DIP2C: variants seen among roughly 807,000 people sequenced by gnomAD.
DIP2C encodes the protein DIP2 acetate--CoA ligase C (putative).
Under a neutral mutation model 192.4 loss-of-function variants are expected in DIP2C, and 33 were observed. The observed-to-expected ratio is 0.17, with a 90% CI of 0.13 to 0.23. The LOEUF is 0.23. Ranked by LOEUF, DIP2C falls within the 10% of genes least tolerant of loss-of-function variation. DIP2C has a pLI of 1.00. For missense variants in DIP2C, 1,537 were observed against 2,110.1 expected, an observed-to-expected ratio of 0.73 and a Z score of 5.32; for synonymous variants, 979 against 864.1, an observed-to-expected ratio of 1.13 and a Z score of -2.33.
chr10:655,653 GACT>G (rs1231952614), intron 1 of DIP2C, among the ~76,000 whole-genome samples: 5 of 152,126 alleles, frequency 3.3e-5, no homozygotes, highest in African/African-American at 9.7e-5. Context: ...TTCTAATCTA[GACT>G]ACATTATGCT....
chr10:301,019 A>G (rs545799022), intron 32 of DIP2C, among the ~76,000 whole-genome samples: 3 of 152,322 alleles, frequency 2.0e-5, no homozygotes, highest in African/African-American at 7.2e-5. Flanking sequence ...TGTAGTCCCT[A>G]AAGCCAAAGA....
intron 3 of DIP2C, among the ~76,000 whole-genome samples, chr10:453,214 G>A (rs781030073): frequency 8.5e-5 from 13 of 152,260 alleles, no homozygotes; most frequent in Middle Eastern, 3.4e-3. Flanking sequence ...CTGATCAAGC[G>A]TCCTCCAAAG....
At position 523,766 on chromosome 10, in the gene DIP2C, C is replaced by T. The variant is rs117420948; in HGVS notation, c.86-37236G>A. Among the ~76,000 whole-genome samples the T allele has an allele frequency of 3.2e-4, 49 of 151,268 alleles. No homozygotes were observed. In the East Asian group the frequency reaches 7.1e-3, roughly 22 times the overall value. ...ATGCAGGGACTCTGTGTGACCAACA[C>T]GCCCGTTTCCACCTGACGCAAAGGA... On this transcript the variant is annotated intron_variant, in intron 1 of 36. Transcript: ENST00000280886.
intron 17 of DIP2C, among the ~76,000 whole-genome samples, chr10:377,140 AGTTT>A (rs1961698446): frequency 2.6e-5 from 3 of 115,812 alleles, no homozygotes; most frequent in African/African-American, 1.1e-4. Context: ...TGTGCAGCGC[AGTTT>A]TTTTTTTTTT....
chr10:588,734 G>A (rs1027607563), intron 1 of DIP2C, among the ~76,000 whole-genome samples: 1 of 152,168 alleles, frequency 6.6e-6, no homozygotes, highest in East Asian at 1.9e-4. Flanking sequence ...GGAGGGTGGT[G>A]CCTGAACTGC....
intron 1 of DIP2C, among the ~76,000 whole-genome samples, chr10:574,900 C>T (rs1457626580): frequency 6.6e-6 from 1 of 152,076 alleles, no homozygotes; most frequent in Admixed American, 6.5e-5. Flanking sequence ...TAATGTGATT[C>T]GGTTTGTCAC....
intron 1 of DIP2C, among the ~76,000 whole-genome samples, chr10:642,398 C>G (rs754248933): frequency 6.6e-5 from 10 of 152,226 alleles, no homozygotes; most frequent in Non-Finnish European, 1.2e-4. Context: ...GCCCTAAACA[C>G]GCCCATCTCA....
intron 34 of DIP2C, among the ~76,000 whole-genome samples, chr10:283,757 G>A (rs1323883004): frequency 1.3e-5 from 2 of 152,112 alleles, no homozygotes; most frequent in Non-Finnish European, 2.9e-5. Flanking sequence ...AATGAACAAA[G>A]TCACACTAGA....
chr10:559,776 G>A (rs1296324785), intron 1 of DIP2C, among the ~76,000 whole-genome samples: 1 of 152,144 alleles, frequency 6.6e-6, no homozygotes, highest in African/African-American at 2.4e-5. Flanking sequence ...GCCCAGCCCC[G>A]GAGCCCCATG....
chr10:676,965 A>T lies in DIP2C; in HGVS notation c.85+12529T>A, dbSNP rs553479576. On this transcript the variant is annotated intron_variant, in intron 1 of 36. Transcript: ENST00000280886. ...AGATTCCCACCATTAAGAAATAACA[A>T]ATGTTTGAGATGATGGACATGCTAA... Among the ~76,000 whole-genome samples the T allele has an allele frequency of 2.6e-5, 4 of 152,348 alleles. No homozygotes were observed. In the South Asian group the frequency reaches 8.3e-4, roughly 32 times the overall value.
intron 3 of DIP2C, among the ~76,000 whole-genome samples, chr10:458,568 G>C (rs1169946742): frequency 6.6e-6 from 1 of 151,170 alleles, no homozygotes; most frequent in Non-Finnish European, 1.5e-5. Context: ...GGAGTGCTCA[G>C]AACCCGTGAC....
chr10:308,619 G>C (rs1956433632), intron 32 of DIP2C, among the ~76,000 whole-genome samples: 1 of 152,242 alleles, frequency 6.6e-6, no homozygotes, highest in Non-Finnish European at 1.5e-5. Flanking sequence ...CTACATTTCT[G>C]ATTTTTCTAA....
At chr10:389,963 C>A in intron 13 of DIP2C, 28 bp downstream of exon 13, 2 of 1,581,328 alleles carry the variant, frequency 1.3e-6, no homozygotes, top group South Asian at 2.3e-5. Context: ...GAACCAGGGT[C>A]CCAAGGAGTC....
intron 1 of DIP2C, among the ~76,000 whole-genome samples, chr10:661,821 G>A (rs550807641): frequency 3.9e-5 from 6 of 152,154 alleles, no homozygotes; most frequent in South Asian, 2.1e-4. Context: ...CGCAGCTTGC[G>A]GTGGTGTCTC....
At chr10:545,534 GAC>G (rs1314824401) in intron 1 of DIP2C, among the ~76,000 whole-genome samples, 1 of 152,052 alleles carries the variant, frequency 6.6e-6, no homozygotes, top group Non-Finnish European at 1.5e-5. Context: ...AACCCATGAG[GAC>G]ACAGAGAAGA....
chr10:550,755 GAAT>G (rs1450206758), intron 1 of DIP2C, among the ~76,000 whole-genome samples: 1 of 152,124 alleles, frequency 6.6e-6, no homozygotes, highest in Non-Finnish European at 1.5e-5. Context: ...TTAATATTCA[GAAT>G]AATTGCCAGA....
chr10:416,278 A>C (rs774679166), intron 6 of DIP2C, among the ~76,000 whole-genome samples: 3 of 152,130 alleles, frequency 2.0e-5, no homozygotes, highest in Non-Finnish European at 4.4e-5. Context: ...TGGAGCAGTA[A>C]GTCCTTCCCT....
chr10:493,522 C>T (rs186881405), intron 1 of DIP2C, among the ~76,000 whole-genome samples: 37 of 152,162 alleles, frequency 2.4e-4, no homozygotes, highest in African/African-American at 5.3e-4. Flanking sequence ...CATCGAGAAG[C>T]TGACGTGTAG....
chr10:565,740 T>C (rs897098050), intron 1 of DIP2C, among the ~76,000 whole-genome samples: 3 of 152,248 alleles, frequency 2.0e-5, no homozygotes, highest in African/African-American at 7.2e-5. Context: ...CATAAAAATA[T>C]GTGCTTACAG....
Sources: gnomAD v4.1 joint callset for allele counts (sites outside exome capture counted in the v4.1 genomes callset) on GRCh38, gnomAD v4.1.1 for gene constraint, MANE v1.5 for transcripts, NCBI Gene and HGNC (gene_info 2026-07-23, HGNC 2026-07-21) for gene names.